Variants in FAM135B observed in about 807,000 individuals in gnomAD.
FAM135B encodes the protein family with sequence similarity 135 member B.
FAM135B carries 43 observed loss-of-function variants against 127.7 expected under a neutral mutation model. The ratio of observed to expected loss-of-function variants is 0.34; its 90% confidence interval spans 0.26 to 0.43. The LOEUF is 0.43. Ranked by LOEUF, FAM135B falls within the 20% of genes least tolerant of loss-of-function variation. FAM135B has a pLI of 1.00. For missense variants in FAM135B, 1,558 were observed against 1,725.6 expected, an observed-to-expected ratio of 0.90 and a Z score of 1.72; for synonymous variants, 670 against 665.1, an observed-to-expected ratio of 1.01 and a Z score of -0.11.
intron 2 of FAM135B, among the ~76,000 whole-genome samples, chr8:138,349,963 A>G (rs1829668336): frequency 6.6e-6 from 1 of 152,192 alleles, no homozygotes. Context: ...TGAGAACAAT[A>G]CACACAATTT....
In FAM135B at chr8:138,141,207, C is replaced by T; in HGVS notation, c.3781G>A (p.Val1261Ile). The T allele has an allele frequency of 6.2e-7, 1 of 1,614,062 alleles. No homozygotes were observed. The highest frequency in any genetic ancestry group is 8.5e-7 in the Non-Finnish European group (1 of 1,179,996). ...CCTAGAAGAATCTTACCTGTACTAACCAGGGTGCTGTTGTTGTACAGGGTT... is the reference window on the plus strand; with the variant it reads ...CCTAGAAGAATCTTACCTGTACTAATCAGGGTGCTGTTGTTGTACAGGGTT... ...LGTLYNNSTL[V>I]STGLWLMQKL... Residue 1261 changes from valine to isoleucine, a missense_variant, in exon 17 of 20, where the codon GTT (valine) becomes ATT (isoleucine). Val to Ile is a conservative substitution (Grantham distance 29). Transcript: ENST00000395297. This position sits in a 1 kb window ranked among gnomAD's most constrained non-coding sequence, Gnocchi z 4.7.
intron 11 of FAM135B, among the ~76,000 whole-genome samples, chr8:138,172,553 C>G (rs901667561): frequency 3.9e-5 from 6 of 152,160 alleles, no homozygotes; most frequent in Admixed American, 3.9e-4. Context: ...GTTCTTTAGC[C>G]CCATCTTTAA....
intron 1 of FAM135B, among the ~76,000 whole-genome samples, chr8:138,471,834 T>C (rs1431686382): frequency 6.6e-6 from 1 of 151,998 alleles, no homozygotes; most frequent in Admixed American, 6.6e-5. Flanking sequence ...AGAGATAACG[T>C]ACACCACAAT....
chr8:138,289,738 T>G (rs1824961825), intron 3 of FAM135B, among the ~76,000 whole-genome samples: 1 of 152,240 alleles, frequency 6.6e-6, no homozygotes, highest in South Asian at 2.1e-4. Flanking sequence ...CATATTACGT[T>G]GCCACCCATG....
At chr8:138,175,694 T>C (rs565058585) in intron 11 of FAM135B, among the ~76,000 whole-genome samples, 1 of 147,750 alleles carries the variant, frequency 6.8e-6, no homozygotes, top group Admixed American at 6.9e-5. Context: ...TTCTGAAAGC[T>C]GGTGGCTAAA....
chr8:138,435,404 G>A (rs1315316230), intron 1 of FAM135B, among the ~76,000 whole-genome samples: 1 of 152,144 alleles, frequency 6.6e-6, no homozygotes, highest in Non-Finnish European at 1.5e-5. Flanking sequence ...GTGAAGCTTG[G>A]AGTGTTATCC....
rs766404558 is a variant in FAM135B, at chr8:138,219,165, A to G, written c.670-21496T>C. ...TAGATGGATCTTTTATTATTTCAAT[A>G]TTTGAAAAGTGATTTTTCAAGATGA... On this transcript the variant is annotated intron_variant, in intron 7 of 19. Transcript: ENST00000395297. 6.4e-4 allele frequency among the ~76,000 whole-genome samples: 98 copies of G among 152,326 alleles called. 2 individuals carry two copies. The highest frequency in any genetic ancestry group is 1.0e-4 in the Non-Finnish European group (7 of 68,038).
intron 12 of FAM135B, among the ~76,000 whole-genome samples, chr8:138,155,911 T>A (rs534769753): frequency 6.6e-6 from 1 of 152,022 alleles, no homozygotes; most frequent in African/African-American, 2.4e-5. Context: ...AACAAGGATA[T>A]CCAGAACTTG....
At chr8:138,496,430 C>T (rs1043365150) in intron 1 of FAM135B, among the ~76,000 whole-genome samples, 2 of 152,242 alleles carry the variant, frequency 1.3e-5, no homozygotes, top group African/African-American at 4.8e-5. Flanking sequence ...CCCTCATTAA[C>T]CCAGCCTCTC....
intron 7 of FAM135B, among the ~76,000 whole-genome samples, chr8:138,222,683 T>G (rs1261089751): frequency 6.3e-4 from 90 of 142,478 alleles, no homozygotes; most frequent in African/African-American, 2.5e-3. Flanking sequence ...GTGGTGTTTT[T>G]TTTTTTTTTT....
chr8:138,153,468 T>C (rs1234893538), intron 12 of FAM135B, among the ~76,000 whole-genome samples: 1 of 151,814 alleles, frequency 6.6e-6, no homozygotes, highest in African/African-American at 2.4e-5. Flanking sequence ...CCACGGAGTG[T>C]GAGACAAAGC....
chr8:138,182,872 G>A (rs1319747764), intron 9 of FAM135B, among the ~76,000 whole-genome samples: 1 of 152,198 alleles, frequency 6.6e-6, no homozygotes, highest in Non-Finnish European at 1.5e-5. Context: ...ATTCTCTGAG[G>A]GTGTGGCCTA....
At chr8:138,200,646 AT>A (rs1470161079) in intron 7 of FAM135B, among the ~76,000 whole-genome samples, 4 of 151,948 alleles carry the variant, frequency 2.6e-5, no homozygotes, top group African/African-American at 4.8e-5. Flanking sequence ...CAGCCTAATA[AT>A]TTTTTTCTTG....
intron 12 of FAM135B, among the ~76,000 whole-genome samples, chr8:138,160,289 C>G (rs570198775): frequency 1.2e-3 from 183 of 152,116 alleles, no homozygotes; most frequent in African/African-American, 3.9e-3. Flanking sequence ...AATTATTGAA[C>G]CTGAAGGCTT....
Position 138,132,341 on chromosome 8 carries a change from C to G in FAM135B, c.*252G>C. 2.2e-6 allele frequency: 1 copy of G among 445,442 alleles called. No individual in the cohort carries two copies. The highest frequency in any genetic ancestry group is 4.1e-6 in the Non-Finnish European group (1 of 246,116). The allele number at this position is 445,442 out of a possible 1,614,324, so 27.6% of individuals were successfully genotyped here. A position where few individuals can be genotyped will look rare whatever the true frequency, so the allele number is the denominator to read the frequency against. On this transcript the variant is annotated 3_prime_UTR_variant, in exon 20 of 20. Transcript: ENST00000395297. This position sits in a 1 kb window ranked among gnomAD's most constrained non-coding sequence, Gnocchi z 4.5. Reference sequence around the variant, plus strand: ...TTCTGTTTATTCTCTCATATTTTTCCTAGAAAACATCTTGAATGACACTCC... The same window carrying G: ...TTCTGTTTATTCTCTCATATTTTTCGTAGAAAACATCTTGAATGACACTCC...
chr8:138,300,880 A>G (rs1367524526), intron 3 of FAM135B, among the ~76,000 whole-genome samples: 1 of 150,868 alleles, frequency 6.6e-6, no homozygotes, highest in Non-Finnish European at 1.5e-5. Context: ...TCTCCCGAGT[A>G]GCTGGGACTA....
At chr8:138,170,187 T>G (rs1820299842) in intron 11 of FAM135B, among the ~76,000 whole-genome samples, 1 of 151,290 alleles carries the variant, frequency 6.6e-6, no homozygotes, top group Non-Finnish European at 1.5e-5. Context: ...AGTTGTGTCA[T>G]GCAAGTTGTA....
intron 3 of FAM135B, among the ~76,000 whole-genome samples, chr8:138,303,839 C>T (rs2130858192): frequency 6.6e-6 from 1 of 152,264 alleles, no homozygotes; most frequent in South Asian, 2.1e-4. Context: ...AACATTTCTA[C>T]AGGGTCATTC....
At chr8:138,176,979 A>G (rs1814533360) in intron 11 of FAM135B, among the ~76,000 whole-genome samples, 1 of 152,218 alleles carries the variant, frequency 6.6e-6, no homozygotes, top group African/African-American at 2.4e-5. Context: ...TTTCATAGCT[A>G]CCACAGAGTC....
Sources: gnomAD v4.1 joint callset for allele counts (sites outside exome capture counted in the v4.1 genomes callset) on GRCh38, gnomAD v4.1.1 for gene constraint, Gnocchi (gnomAD v3.1) non-coding constraint, MANE v1.5 for transcripts, NCBI Gene and HGNC (gene_info 2026-07-23, HGNC 2026-07-21) for gene names.